The following ANKS1A variants were observed in gnomAD, a reference collection of about 807,000 sequenced individuals.
ANKS1A encodes ankyrin repeat and sterile alpha motif domain containing 1A, also known as ankyrin repeat and SAM domain-containing protein 1A.
ANKS1A carries 55 observed loss-of-function variants against 120.3 expected under a neutral mutation model. That is an observed-to-expected ratio of 0.46 (90% CI 0.37 to 0.57). The LOEUF is 0.57. Ranked by LOEUF, ANKS1A falls within the 20% of genes least tolerant of loss-of-function variation. ANKS1A has a pLI of 0.00. For synonymous variants in ANKS1A, 590 were observed against 604.7 expected (o/e 0.98, Z 0.36); for missense variants, 1,123 against 1,480.3 (o/e 0.76, Z 3.96).
chr6:34,934,798 A>G (rs1769167494), intron 1 of ANKS1A, among the ~76,000 whole-genome samples: 1 of 152,128 alleles, frequency 6.6e-6, no homozygotes, highest in Admixed American at 6.5e-5. Context: ...AAAACAATCT[A>G]GTCTTATTCC....
chr6:34,917,490 C>G (rs1334934616), intron 1 of ANKS1A, among the ~76,000 whole-genome samples: 1 of 152,204 alleles, frequency 6.6e-6, no homozygotes, highest in East Asian at 1.9e-4. Flanking sequence ...CACTGTGTAG[C>G]TAGATTCAAC....
At chr6:34,932,136 G>A (rs548349660) in intron 1 of ANKS1A, among the ~76,000 whole-genome samples, 2 of 152,268 alleles carry the variant, frequency 1.3e-5, no homozygotes, top group Non-Finnish European at 2.9e-5. Flanking sequence ...AATCTGCCTT[G>A]GACAGAGTAA....
intron 13 of ANKS1A, among the ~76,000 whole-genome samples, chr6:35,071,220 CT>C (rs1777070208): frequency 6.6e-6 from 1 of 152,196 alleles, no homozygotes; most frequent in African/African-American, 2.4e-5. Flanking sequence ...ACATATATCG[CT>C]TGATGTCTTG....
intron 1 of ANKS1A, among the ~76,000 whole-genome samples, chr6:34,894,606 T>C (rs1411161034): frequency 6.6e-6 from 1 of 152,104 alleles, no homozygotes; most frequent in African/African-American, 2.4e-5. Context: ...GAGCCAAGAT[T>C]GTTCCACTGC....
At chr6:35,088,011 T>A (rs1052137434) in intron 23 of ANKS1A, among the ~76,000 whole-genome samples, 5 of 152,202 alleles carry the variant, frequency 3.3e-5, no homozygotes, top group African/African-American at 1.2e-4. Flanking sequence ...CGCACCTTCT[T>A]CCCTCACAGA....
At chr6:34,966,871 A>C (rs148048551) in intron 1 of ANKS1A, among the ~76,000 whole-genome samples, 3 of 152,250 alleles carry the variant, frequency 2.0e-5, no homozygotes, top group African/African-American at 7.2e-5. Context: ...GTCTCTCTCA[A>C]ACCTTCAGTC....
intron 10 of ANKS1A, among the ~76,000 whole-genome samples, chr6:35,016,231 A>G (rs1581648539): frequency 6.6e-6 from 1 of 152,196 alleles, no homozygotes; most frequent in African/African-American, 2.4e-5. Context: ...CTTCTCCTGC[A>G]CCACCTGGGG....
At chr6:35,021,256 C>T (rs944943865) in intron 11 of ANKS1A, among the ~76,000 whole-genome samples, 2 of 152,148 alleles carry the variant, frequency 1.3e-5, no homozygotes, top group Non-Finnish European at 2.9e-5. Context: ...CTTGGACCCC[C>T]GGGAGGTGGG....
downstream of ANKS1A, among the ~76,000 whole-genome samples, chr6:35,092,300 G>A (rs76103787): frequency 4.5e-4 from 69 of 152,250 alleles, no homozygotes; most frequent in East Asian, 0.012. Flanking sequence ...TTTCTTAAAA[G>A]GGCCTTAAAA....
At chr6:34,983,742 A>G (rs1383485822) in intron 7 of ANKS1A, among the ~76,000 whole-genome samples, 1 of 152,076 alleles carries the variant, frequency 6.6e-6, no homozygotes, top group Non-Finnish European at 1.5e-5. Context: ...TTCTTTTTCT[A>G]ACACATAATC....
chr6:35,064,942 G>A (rs1776693174), intron 13 of ANKS1A, among the ~76,000 whole-genome samples: 1 of 151,932 alleles, frequency 6.6e-6, no homozygotes, highest in African/African-American at 2.4e-5. Context: ...AGACAAGTGT[G>A]GATCCAGCCT....
At chr6:35,008,511 T>C (rs1011634964) in intron 10 of ANKS1A, among the ~76,000 whole-genome samples, 5 of 152,214 alleles carry the variant, frequency 3.3e-5, no homozygotes, top group African/African-American at 1.2e-4. Flanking sequence ...ACTGGACTTT[T>C]CTCACCTTCT....
At chr6:35,016,840 C>G (rs1476363404) in intron 10 of ANKS1A, among the ~76,000 whole-genome samples, 2 of 150,282 alleles carry the variant, frequency 1.3e-5, no homozygotes, top group African/African-American at 2.4e-5. Flanking sequence ...GCGTGGAACT[C>G]GGAATGGCCC....
chr6:34,953,736 A>G (rs1325145818), intron 1 of ANKS1A, among the ~76,000 whole-genome samples: 1 of 152,136 alleles, frequency 6.6e-6, no homozygotes, highest in Non-Finnish European at 1.5e-5. Flanking sequence ...AGTGCCAGGT[A>G]CTTACTGTGT....
intron 11 of ANKS1A, among the ~76,000 whole-genome samples, chr6:35,025,286 GAT>G (rs1491141966): frequency 4.2e-4 from 64 of 150,688 alleles, no homozygotes; most frequent in African/African-American, 1.5e-3. Flanking sequence ...ATATGTATGC[GAT>G]GTGTGTGTGT....
At position 35,038,372 on chromosome 6, in the gene ANKS1A, AAGG is replaced by A. The variant is rs531306232; in HGVS notation, c.2011-15724_2011-15722del. ...TACAGTTTCGACCGGTCCACGATGA[AAGG>A]AGAATGAAAGGAGAGAGTTAAGGGC... On this transcript the variant is annotated intron_variant, in intron 11 of 23. Coordinates refer to ENST00000360359, the MANE Select transcript of ANKS1A (RefSeq NM_015245.3). 253 of 454,942 alleles carry A rather than the reference AAGG, an allele frequency of 5.6e-4. 1 individual carries two copies. The highest frequency in any genetic ancestry group is 4.7e-3 in the African/African-American group (235 of 50,164). The allele number at this position is 454,942 out of a possible 1,614,324, so 28.2% of individuals were successfully genotyped here. A position where few individuals can be genotyped will look rare whatever the true frequency, so the allele number is the denominator to read the frequency against.
intron 8 of ANKS1A, among the ~76,000 whole-genome samples, chr6:34,987,950 C>T (rs1772296738): frequency 1.3e-5 from 2 of 152,226 alleles, no homozygotes; most frequent in South Asian, 4.1e-4. Context: ...TCAAGCATGA[C>T]CAGGGCTTTG....
intron 11 of ANKS1A, among the ~76,000 whole-genome samples, chr6:35,019,142 G>T (rs1363833689): frequency 6.6e-6 from 1 of 152,180 alleles, no homozygotes; most frequent in Non-Finnish European, 1.5e-5. Flanking sequence ...GTCTCGCTGA[G>T]CAGAAGAATG....
At chr6:34,970,581 C>A (rs1452338396) in intron 3 of ANKS1A, among the ~76,000 whole-genome samples, 1 of 152,164 alleles carries the variant, frequency 6.6e-6, no homozygotes, top group African/African-American at 2.4e-5. Flanking sequence ...ACTTAACTAA[C>A]CATGGATGGA....
Sources: allele counts gnomAD v4.1 joint callset (sites outside exome capture counted in the v4.1 genomes callset), GRCh38; gene constraint gnomAD v4.1.1; transcripts MANE v1.5; gene names NCBI Gene and HGNC (gene_info 2026-07-23, HGNC 2026-07-21).